The following LPP variants were observed in gnomAD, a reference collection of about 807,000 sequenced individuals.
LPP encodes the protein LIM domain containing preferred translocation partner in lipoma.
Under a neutral mutation model 60.4 loss-of-function variants are expected in LPP, and 38 were observed. The observed-to-expected ratio is 0.63, with a 90% confidence interval of 0.49 to 0.83. LPP has a LOEUF of 0.83. LPP is among the 40% of genes least tolerant of loss of function. LPP has a pLI of 0.00. For missense variants in LPP, 902 were observed against 783.6 expected (o/e 1.15, Z -1.80); for synonymous variants, 328 against 290.8 (o/e 1.13, Z -1.30).
chr3:188,691,159 G>A (rs58409132), intron 7 of LPP, among the ~76,000 whole-genome samples: 3 of 152,124 alleles, frequency 2.0e-5, no homozygotes, highest in Non-Finnish European at 2.9e-5. Context: ...TACAATTTGG[G>A]TTAAACTTTA....
intron 9 of LPP, among the ~76,000 whole-genome samples, chr3:188,844,707 T>C (rs574541273): frequency 6.6e-6 from 1 of 152,328 alleles, no homozygotes; most frequent in African/African-American, 2.4e-5. Flanking sequence ...TGCAGCACAG[T>C]GGAGCGGAAG....
chr3:188,637,642 G>C (rs1179945837), intron 7 of LPP, among the ~76,000 whole-genome samples: 2 of 151,818 alleles, frequency 1.3e-5, no homozygotes, highest in Non-Finnish European at 2.9e-5. Flanking sequence ...AAAAAAGAGA[G>C]AAGAATCAAA....
intron 6 of LPP, among the ~76,000 whole-genome samples, chr3:188,527,762 T>G (rs1821047447): frequency 6.6e-6 from 1 of 151,744 alleles, no homozygotes; most frequent in Admixed American, 6.6e-5. Flanking sequence ...TCCTTTTTTT[T>G]TTTTGTAATG....
At chr3:188,170,578 G>A (rs533042900) in intron 1 of LPP, among the ~76,000 whole-genome samples, 48 of 151,958 alleles carry the variant, frequency 3.2e-4, no homozygotes, top group African/African-American at 9.9e-4. Context: ...TGATCTGCCC[G>A]CCTCGATCTC....
intron 9 of LPP, among the ~76,000 whole-genome samples, chr3:188,804,244 TA>T (rs1560226915): frequency 0.056 from 512 of 9,072 alleles, 37 homozygotes; most frequent in African/African-American, 0.15. Flanking sequence ...AGTGCATCTT[TA>T]TATATATATA....
intron 1 of LPP, among the ~76,000 whole-genome samples, chr3:188,224,881 T>C (rs1717163294): frequency 6.6e-6 from 1 of 152,072 alleles, no homozygotes; most frequent in African/African-American, 2.4e-5. Context: ...CAGCAGGTAT[T>C]ACAACTCAAC....
intron 1 of LPP, among the ~76,000 whole-genome samples, chr3:188,219,691 A>G (rs984827342): frequency 2.5e-4 from 38 of 152,196 alleles, no homozygotes; most frequent in African/African-American, 8.4e-4. Context: ...CCTGTCATAA[A>G]TGGACACCAA....
intron 7 of LPP, among the ~76,000 whole-genome samples, chr3:188,707,289 G>A (rs1275062269): frequency 1.3e-5 from 2 of 152,122 alleles, no homozygotes; most frequent in African/African-American, 4.8e-5. Flanking sequence ...CCATAAGGGT[G>A]GAATGAAGGG....
chr3:188,387,488 T>C (rs1560336273), intron 3 of LPP, among the ~76,000 whole-genome samples: 1 of 152,148 alleles, frequency 6.6e-6, no homozygotes, highest in Non-Finnish European at 1.5e-5. Flanking sequence ...TGATTAACAT[T>C]TATGCATAAA....
At chr3:188,759,133 A>G (rs1398645) in intron 8 of LPP, 1 of 152,186 alleles carries the variant, frequency 6.6e-6, no homozygotes, top group African/African-American at 2.4e-5. Flanking sequence ...ATGGAGCCAC[A>G]TAGAGATATG....
At chr3:188,590,433 G>A (rs1388069480) in intron 6 of LPP, among the ~76,000 whole-genome samples, 1 of 152,040 alleles carries the variant, frequency 6.6e-6, no homozygotes, top group African/African-American at 2.4e-5. Context: ...AATTAGCCGG[G>A]CATAGTGGCA....
At chr3:188,338,677 C>T (rs1762301393) in intron 2 of LPP, among the ~76,000 whole-genome samples, 1 of 152,170 alleles carries the variant, frequency 6.6e-6, no homozygotes, top group African/African-American at 2.4e-5. Context: ...ATATCTTGGA[C>T]ACCAGGGTGA....
intron 5 of LPP, among the ~76,000 whole-genome samples, chr3:188,521,371 T>C (rs891009667): frequency 9.9e-5 from 15 of 152,102 alleles, no homozygotes; most frequent in Non-Finnish European, 5.9e-5. Flanking sequence ...TGGTTGCATA[T>C]CATAATTACT....
chr3:188,415,892 A>G (rs934504284), intron 4 of LPP, among the ~76,000 whole-genome samples: 1 of 152,126 alleles, frequency 6.6e-6, no homozygotes, highest in African/African-American at 2.4e-5. Flanking sequence ...TACATGGGAT[A>G]AAGTTACATA....
intron 4 of LPP, among the ~76,000 whole-genome samples, chr3:188,421,501 T>C (rs1017264945): frequency 6.6e-6 from 1 of 152,138 alleles, no homozygotes; most frequent in African/African-American, 2.4e-5. Flanking sequence ...TAAGGAGCAA[T>C]AGGTTTTGAT....
At chr3:188,475,763 C>T (rs561473606) in intron 4 of LPP, among the ~76,000 whole-genome samples, 152 of 152,160 alleles carry the variant, frequency 1.0e-3, no homozygotes, top group African/African-American at 3.5e-3. Context: ...ATTAGCCGGG[C>T]GTGGTGGCGG....
At chr3:188,503,347 T>C (rs900247082) in intron 5 of LPP, among the ~76,000 whole-genome samples, 2 of 152,184 alleles carry the variant, frequency 1.3e-5, no homozygotes, top group African/African-American at 4.8e-5. Context: ...TCTTAAATTG[T>C]AGAAAACAAA....
intron 7 of LPP, among the ~76,000 whole-genome samples, chr3:188,621,235 A>G (rs1845746908): frequency 6.6e-6 from 1 of 151,924 alleles, no homozygotes; most frequent in Admixed American, 6.6e-5. Flanking sequence ...TACAGGGGAT[A>G]CGTGTGTGGG....
intron 6 of LPP, among the ~76,000 whole-genome samples, chr3:188,575,967 G>T (rs1167864885): frequency 6.6e-6 from 1 of 152,106 alleles, no homozygotes; most frequent in Non-Finnish European, 1.5e-5. Flanking sequence ...GACATGCATG[G>T]AAATGTTTGG....
Sources: gnomAD v4.1 joint callset for allele counts (sites outside exome capture counted in the v4.1 genomes callset) on GRCh38, gnomAD v4.1.1 for gene constraint, MANE v1.5 for transcripts, NCBI Gene and HGNC (gene_info 2026-07-23, HGNC 2026-07-21) for gene names.